MARK1: variants seen among roughly 807,000 people sequenced by gnomAD.
The protein encoded by MARK1 is microtubule affinity regulating kinase 1, also known as serine/threonine-protein kinase MARK1.
Under a neutral mutation model 96.3 loss-of-function variants are expected in MARK1, and 40 were observed. That is an observed-to-expected ratio of 0.42 (90% CI 0.32 to 0.54). The LOEUF is 0.54. Among genes scored for constraint, MARK1 ranks in the 20% least tolerant of loss-of-function variants. The probability of loss-of-function intolerance (pLI) is 0.16; values close to 1 mark genes in which losing one functional copy is unlikely to be tolerated. For synonymous variants in MARK1, 317 were observed against 341.2 expected (o/e 0.93, Z 0.78); for missense variants, 719 against 984.6 (o/e 0.73, Z 3.61).
At chr1:220,642,459 C>G (rs1668330436) in intron 13 of MARK1, among the ~76,000 whole-genome samples, 1 of 152,162 alleles carries the variant, frequency 6.6e-6, no homozygotes, top group Non-Finnish European at 1.5e-5. Flanking sequence ...CAACTCCAGC[C>G]AGGGTCTTAC....
At chr1:220,551,779 G>A (rs1389549235) in intron 1 of MARK1, among the ~76,000 whole-genome samples, 2 of 152,124 alleles carry the variant, frequency 1.3e-5, no homozygotes, top group African/African-American at 2.4e-5. Flanking sequence ...AGTATTACAG[G>A]GCTTGTTTCT....
intron 1 of MARK1, among the ~76,000 whole-genome samples, chr1:220,563,195 C>A (rs1202251095): frequency 1.3e-5 from 2 of 152,050 alleles, no homozygotes; most frequent in African/African-American, 4.8e-5. Context: ...TCCTTTCAAG[C>A]AGTAAATTAA....
intron 1 of MARK1, among the ~76,000 whole-genome samples, chr1:220,553,215 C>A (rs527328525): frequency 6.6e-6 from 1 of 152,250 alleles, no homozygotes; most frequent in Non-Finnish European, 1.5e-5. Flanking sequence ...CCATTAGCAC[C>A]AGTCTGTGAA....
chr1:220,600,939 C>T (rs1198437341), intron 5 of MARK1, among the ~76,000 whole-genome samples: 1 of 150,632 alleles, frequency 6.6e-6, no homozygotes, highest in South Asian at 2.1e-4. Context: ...GTAGCCCAGG[C>T]TGGAGTGCAG....
Position 220,578,552 on chromosome 1 carries a change from G to T in MARK1, c.52-802G>T, listed in dbSNP as rs76656812. Among the ~76,000 whole-genome samples the T allele has an allele frequency of 7.3e-3, 1,114 of 152,304 alleles. 17 individuals are homozygous for T. The highest frequency in any genetic ancestry group is 0.023 in the African/African-American group (974 of 41,558). On this transcript the variant is annotated intron_variant, in intron 1 of 17. Coordinates refer to ENST00000366917, the MANE Select transcript of MARK1 (RefSeq NM_018650.5). Reference sequence around the variant, plus strand: ...GGGGGTTGGGCAGAAATGAATTAGAGGTATACTTGAGGCAGGCTGCTGATT... The same window carrying T: ...GGGGGTTGGGCAGAAATGAATTAGATGTATACTTGAGGCAGGCTGCTGATT...
In MARK1 at chr1:220,579,345, T is replaced by A; in HGVS notation, c.52-9T>A. ...AATTAACAATGAAATCTTGTAAACTTTTTCTTAGCATACATCTGTGGATGG... is the reference window on the plus strand; with the variant it reads ...AATTAACAATGAAATCTTGTAAACTATTTCTTAGCATACATCTGTGGATGG... On this transcript the variant is annotated splice_polypyrimidine_tract_variant and intron_variant, in intron 1 of 17. Coordinates refer to ENST00000366917, the MANE Select transcript of MARK1 (RefSeq NM_018650.5). The A allele has an allele frequency of 6.2e-7, 1 of 1,606,040 alleles. No homozygotes were observed. The highest frequency in any genetic ancestry group is 2.2e-5 in the East Asian group (1 of 44,784).
Position 220,610,808 on chromosome 1 carries a change from G to T in MARK1, c.496-5131G>T, listed in dbSNP as rs566026949. ...TGTTAGTTTTCCTTCTAACAGTCAG[G>T]TTCCTCAGCTGCAGGTCTGTTGGAG... is the stretch of plus-strand genomic sequence containing the variant. On this transcript the variant is annotated intron_variant, in intron 6 of 17. Coordinates refer to ENST00000366917, the MANE Select transcript of MARK1 (RefSeq NM_018650.5). Among the ~76,000 whole-genome samples the T allele has an allele frequency of 3.3e-5, 5 of 152,242 alleles. No homozygotes were observed. In the South Asian group the frequency reaches 8.3e-4, roughly 25 times the overall value.
intron 3 of MARK1, among the ~76,000 whole-genome samples, chr1:220,594,140 G>A (rs1665170016): frequency 6.6e-6 from 1 of 152,170 alleles, no homozygotes; most frequent in South Asian, 2.1e-4. Flanking sequence ...GTATTGTTGA[G>A]GATTGGAGCA....
chr1:220,645,284 A>G (rs550833995), intron 13 of MARK1, among the ~76,000 whole-genome samples: 13 of 152,334 alleles, frequency 8.5e-5, no homozygotes, highest in African/African-American at 3.1e-4. Context: ...AATACTAAAA[A>G]CACCTCTATG....
chr1:220,558,441 AAT>A (rs1553316667), intron 1 of MARK1, among the ~76,000 whole-genome samples: 1 of 151,814 alleles, frequency 6.6e-6, no homozygotes, highest in African/African-American at 2.4e-5. Context: ...TATTTAAAAA[AAT>A]AGTTTCTCAG....
In MARK1 at chr1:220,661,802, C is replaced by T; in HGVS notation, c.2034-10C>T. 1 of 1,580,362 alleles carries T rather than the reference C, an allele frequency of 6.3e-7. No individual in the cohort carries two copies. Among genetic ancestry groups the T allele is most frequent in the Non-Finnish European group, 8.6e-7 (1 of 1,158,056 alleles). On this transcript the variant is annotated splice_polypyrimidine_tract_variant and intron_variant, in intron 17 of 17. Coordinates refer to ENST00000366917, the MANE Select transcript of MARK1 (RefSeq NM_018650.5). ...TGCTTTCATTCTTTCCCTTTGCCCT[C>T]TTGTTCCAGAAGTACATCAGGGGAA...
At chr1:220,619,341 G>A (rs1020467149) in intron 9 of MARK1, among the ~76,000 whole-genome samples, 1 of 152,154 alleles carries the variant, frequency 6.6e-6, no homozygotes, top group South Asian at 2.1e-4. Context: ...GGACGAGGTG[G>A]CACACACCTG....
At position 220,532,992 on chromosome 1, in the gene MARK1, A is replaced by AC. The variant is rs1357932391; in HGVS notation, c.51+4119_51+4120insC. Among the ~76,000 whole-genome samples the AC allele has an allele frequency of 3.0e-5, 4 of 135,550 alleles. No individual in the cohort carries two copies. In the East Asian group the frequency reaches 8.6e-4, roughly 29 times the overall value. The allele number at this position is 135,550 out of a possible 152,430, so 88.9% of individuals were successfully genotyped here. ...ACCGCTGCACTCCAGCCCGGGTGAC[A>AC]GAGTGTGAACCCTTTTTTTTAAAAA... On this transcript the variant is annotated intron_variant, in intron 1 of 17. Transcript: ENST00000366917.
chr1:220,656,340 A>G (rs973894545), intron 16 of MARK1, among the ~76,000 whole-genome samples: 3 of 152,236 alleles, frequency 2.0e-5, no homozygotes, highest in Non-Finnish European at 2.9e-5. Context: ...TCAGTCAATT[A>G]CAGCAGAGGA....
intron 9 of MARK1, among the ~76,000 whole-genome samples, chr1:220,630,429 G>A (rs1423808358): frequency 6.6e-6 from 1 of 152,058 alleles, no homozygotes; most frequent in Admixed American, 6.6e-5. Context: ...TAACAGCCCA[G>A]GACTGTCTGT....
intron 1 of MARK1, among the ~76,000 whole-genome samples, chr1:220,561,766 A>G (rs1035725639): frequency 1.3e-5 from 2 of 152,370 alleles, no homozygotes; most frequent in African/African-American, 4.8e-5. Context: ...TTAATGAATA[A>G]AAGATCAACC....
chr1:220,553,067 T>C (rs545716850), intron 1 of MARK1, among the ~76,000 whole-genome samples: 1 of 152,168 alleles, frequency 6.6e-6, no homozygotes, highest in African/African-American at 2.4e-5. Context: ...ACAGCATGAG[T>C]CATCTTTTCT....
chr1:220,661,878 G>A lies in MARK1; in HGVS notation c.2100G>A (p.Leu700=). Residue 700 remains leucine, a synonymous_variant, in exon 18 of 18, where the codon TTG becomes TTA. Coordinates refer to ENST00000366917, the MANE Select transcript of MARK1 (RefSeq NM_018650.5). ...GTAAAGATTCTAAGCCGCGTTCTTT[G>A]CGGTTCACATGGAGTATGAAGACCA... The part of the protein sequence containing the change: ...EEGKDSKPRS[L]RFTWSMKTTS... 6.2e-7 allele frequency: 1 copy of A among 1,614,130 alleles called. No individual in the cohort carries two copies. The highest frequency in any genetic ancestry group is 8.5e-7 in the Non-Finnish European group (1 of 1,180,016).
At chr1:220,571,641 T>C (rs985721823) in intron 1 of MARK1, 6 of 152,218 alleles carry the variant, frequency 3.9e-5, no homozygotes, top group Non-Finnish European at 5.9e-5. Flanking sequence ...ATTGCTTGGA[T>C]CCTTATGAAG....
Sources: gnomAD v4.1 joint callset for allele counts (sites outside exome capture counted in the v4.1 genomes callset) on GRCh38, gnomAD v4.1.1 for gene constraint, MANE v1.5 for transcripts, NCBI Gene and HGNC (gene_info 2026-07-23, HGNC 2026-07-21) for gene names.